The following TEK variants were observed in gnomAD, a reference collection of about 807,000 sequenced individuals.
TEK encodes the protein angiopoietin-1 receptor.
TEK carries 43 observed loss-of-function variants against 131.8 expected under a neutral mutation model. The observed-to-expected ratio is 0.33, with a 90% CI of 0.26 to 0.42. TEK has a LOEUF of 0.42. Among genes scored for constraint, TEK ranks in the 10% least tolerant of loss-of-function variants. The pLI, the probability that TEK is intolerant of heterozygous loss-of-function variation, is 1.00. For missense variants in TEK, 1,162 were observed against 1,384.4 expected (o/e 0.84, Z 2.55); for synonymous variants, 580 against 491.6 (o/e 1.18, Z -2.38).
intron 18 of TEK, among the ~76,000 whole-genome samples, chr9:27,217,458 C>T (rs1280438530): frequency 2.0e-5 from 3 of 152,210 alleles, no homozygotes; most frequent in Non-Finnish European, 2.9e-5. Context: ...ACCATGCGTG[C>T]ACACTCACAC....
intron 18 of TEK, among the ~76,000 whole-genome samples, chr9:27,215,986 C>T (rs1342616313): frequency 6.6e-6 from 1 of 152,030 alleles, no homozygotes; most frequent in African/African-American, 2.4e-5. Context: ...ACATACAGAA[C>T]CCCTAGAGGA....
intron 21 of TEK, among the ~76,000 whole-genome samples, chr9:27,220,583 C>T (rs530709323): frequency 6.6e-6 from 1 of 152,338 alleles, no homozygotes; most frequent in East Asian, 1.9e-4. Flanking sequence ...CAAGTGATTT[C>T]TGCATTTCCA....
At position 27,118,437 on chromosome 9, in the gene TEK, C is replaced by T. The variant is rs535051086; in HGVS notation, c.52+8795C>T. 2.0e-5 allele frequency among the ~76,000 whole-genome samples: 3 copies of T among 152,116 alleles called. 1 individual carries two copies. The South Asian group carries it at 6.2e-4, about 32-fold the overall frequency. Reference sequence around the variant, plus strand: ...ATTGCTTGAGCCAAGGAGTTCGAGACCATCCTGGGCAATATAGGGAGACCC... The same window carrying T: ...ATTGCTTGAGCCAAGGAGTTCGAGATCATCCTGGGCAATATAGGGAGACCC... On this transcript the variant is annotated intron_variant, in intron 1 of 22. Coordinates refer to ENST00000380036, the MANE Select transcript of TEK (RefSeq NM_000459.5).
chr9:27,201,320 A>G (rs1336628283), intron 12 of TEK, among the ~76,000 whole-genome samples: 1 of 152,214 alleles, frequency 6.6e-6, no homozygotes, highest in East Asian at 1.9e-4. Flanking sequence ...AAGCTTCTAA[A>G]AGACACTGCT....
intron 1 of TEK, among the ~76,000 whole-genome samples, chr9:27,131,816 A>G (rs919096893): frequency 1.3e-5 from 2 of 151,752 alleles, no homozygotes; most frequent in Non-Finnish European, 2.9e-5. Context: ...AAAAAAAAAA[A>G]GAAAGAAATT....
intron 9 of TEK, among the ~76,000 whole-genome samples, chr9:27,190,122 A>T (rs531490366): frequency 2.4e-4 from 36 of 152,288 alleles, no homozygotes; most frequent in Admixed American, 1.8e-3. Context: ...AATCAATCTA[A>T]AGAAAGGAGG....
chr9:27,207,271 C>T (rs1371335451), intron 15 of TEK, among the ~76,000 whole-genome samples: 1 of 152,194 alleles, frequency 6.6e-6, no homozygotes, highest in Non-Finnish European at 1.5e-5. Flanking sequence ...CCACAGTCTT[C>T]ATAGGTTAAC....
chr9:27,134,770 C>G (rs1822355345), intron 1 of TEK, among the ~76,000 whole-genome samples: 1 of 152,114 alleles, frequency 6.6e-6, no homozygotes, highest in Admixed American at 6.6e-5. Flanking sequence ...TACTAGAAGT[C>G]AAGTCCATTT....
chr9:27,166,047 G>A (rs114217395), intron 2 of TEK, among the ~76,000 whole-genome samples: 1,610 of 152,336 alleles, frequency 0.011, 28 homozygotes, highest in African/African-American at 0.037. Flanking sequence ...TGAAAGCCAC[G>A]GATGAGATGA....
Position 27,205,035 on chromosome 9 carries a change from A to G in TEK, c.2334A>G (p.Gln778=). 2.5e-6 allele frequency: 4 copies of G among 1,614,044 alleles called. No individual in the cohort carries two copies. The highest frequency in any genetic ancestry group is 3.4e-6 in the Non-Finnish European group (4 of 1,179,928). ...TGCAATTGAAGAGGGCAAATGTGCA[A>G]AGGAGAATGGCCCAAGCCTTCCAAA... ...IILQLKRANV[Q]RRMAQAFQNV... The change falls in exon 14 of 23, where the codon CAA becomes CAG. Residue 778 remains glutamine, a synonymous_variant. Coordinates refer to ENST00000380036, the MANE Select transcript of TEK (RefSeq NM_000459.5).
chr9:27,121,577 A>C (rs955787355), intron 1 of TEK, among the ~76,000 whole-genome samples: 11 of 151,428 alleles, frequency 7.3e-5, no homozygotes, highest in Non-Finnish European at 1.5e-4. Flanking sequence ...TTATTTACAT[A>C]TATAAACATT....
Position 27,192,548 on chromosome 9 carries a change from G to A in TEK, c.1549G>A (p.Val517Met), listed in dbSNP as rs1478200447. 2 of 1,613,888 alleles carry A rather than the reference G, an allele frequency of 1.2e-6. No homozygotes were observed. Among genetic ancestry groups the A allele is most frequent in the Non-Finnish European group, 1.7e-6 (2 of 1,179,948 alleles). Reference protein sequence around the residue: ...LEPRTEYELCVQLVRRGEGGE... With the variant: ...LEPRTEYELCMQLVRRGEGGE... ...ACCTCGGACAGAATATGAACTCTGTGTGCAACTGGTCCGTCGTGGAGAGGG... is the reference window on the plus strand; with the variant it reads ...ACCTCGGACAGAATATGAACTCTGTATGCAACTGGTCCGTCGTGGAGAGGG... Residue 517 changes from valine (V) to methionine (M), a missense_variant, in exon 11 of 23, where the codon GTG becomes ATG. By Grantham distance (21) the Val-to-Met change is conservative (BLOSUM62 1). This residue lies in a region of TEK where 477 missense variants were observed against 471.0 expected (regional missense o/e 1.01). Transcript: ENST00000380036.
intron 22 of TEK, 52 bp from the exon 23 acceptor site, chr9:27,229,106 C>G: frequency 6.4e-7 from 1 of 1,552,234 alleles, no homozygotes. Flanking sequence ...CTGCCGCTGG[C>G]AGAGGTGGAA....
chr9:27,130,626 C>CT (rs571794271), intron 1 of TEK, among the ~76,000 whole-genome samples: 1,660 of 121,794 alleles, frequency 0.014, 35 homozygotes, highest in African/African-American at 0.024. Flanking sequence ...GATTAAAGTA[C>CT]TTTTTTTTTT....
At chr9:27,202,786 T>C in intron 12 of TEK, 34 bp from the exon 13 acceptor site, 5 of 1,603,194 alleles carry the variant, frequency 3.1e-6, no homozygotes, top group Non-Finnish European at 4.3e-6. Context: ...TGGTAGTATA[T>C]CTTAAGTGAA....
At chr9:27,158,252 G>A (rs1310985384) in intron 2 of TEK, 110 bp downstream of exon 2, 1 of 1,271,456 alleles carries the variant, frequency 7.9e-7, no homozygotes, top group African/African-American at 1.5e-5. Context: ...TGAATGTAGA[G>A]CTTGACGATC....
intron 6 of TEK, among the ~76,000 whole-genome samples, chr9:27,177,798 A>AT (rs1395534278): frequency 3.9e-5 from 6 of 152,124 alleles, no homozygotes; most frequent in Middle Eastern, 3.4e-3. Flanking sequence ...TCCTTTGTCC[A>AT]TTTTTTTATC....
chr9:27,111,647 C>T (rs1031743797), intron 1 of TEK, among the ~76,000 whole-genome samples: 5 of 151,928 alleles, frequency 3.3e-5, no homozygotes, highest in African/African-American at 9.7e-5. Context: ...TACAAATACT[C>T]CTAGATTCTG....
intron 20 of TEK, among the ~76,000 whole-genome samples, chr9:27,219,521 A>T (rs1825964476): frequency 6.6e-6 from 1 of 152,088 alleles, no homozygotes; most frequent in African/African-American, 2.4e-5. Context: ...GAGCATTAGG[A>T]CAAATACCTA....
Sources: gnomAD v4.1 joint callset for allele counts (sites outside exome capture counted in the v4.1 genomes callset) on GRCh38, gnomAD v4.1.1 for gene constraint, gnomAD v4.1.1 regional missense constraint, MANE v1.5 for transcripts, NCBI Gene and HGNC (gene_info 2026-07-23, HGNC 2026-07-21) for gene names.